The following NKAIN2 variants were observed in gnomAD, a reference collection of about 807,000 sequenced individuals.
NKAIN2 encodes the protein sodium/potassium transporting ATPase interacting 2, also known as sodium/potassium-transporting ATPase subunit beta-1-interacting protein 2.
A neutral mutation model predicts 32.6 loss-of-function variants in NKAIN2; 14 were observed. That is an observed-to-expected ratio of 0.43 (90% CI 0.28 to 0.67). The LOEUF (loss-of-function observed/expected upper bound fraction) is 0.67, where lower values mean the gene tolerates loss of function less well. NKAIN2 is among the 30% of genes least tolerant of loss of function. NKAIN2 has a pLI of 0.17. For missense variants in NKAIN2, 198 were observed against 258.3 expected (o/e 0.77, Z 1.60); for synonymous variants, 80 against 87.2 (o/e 0.92, Z 0.46).
At chr6:124,180,079 T>A (rs765397399) in intron 1 of NKAIN2, among the ~76,000 whole-genome samples, 14 of 152,024 alleles carry the variant, frequency 9.2e-5, no homozygotes, top group Non-Finnish European at 1.8e-4. Flanking sequence ...TACAGGTAGA[T>A]AGGTAGGCAT....
At position 124,625,064 on chromosome 6, in the gene NKAIN2, G is replaced by A. The variant is rs138298800; in HGVS notation, c.274-33122G>A. On this transcript the variant is annotated intron_variant, in intron 3 of 6. Transcript: ENST00000368417. ...TTCATATATCTAAAATACTAAGTAGGAAGAACAAGTCATTTTCTTGAACAT... is the reference window on the plus strand; with the variant it reads ...TTCATATATCTAAAATACTAAGTAGAAAGAACAAGTCATTTTCTTGAACAT... Among the ~76,000 whole-genome samples, 235 of 152,122 alleles carry A rather than the reference G, an allele frequency of 1.5e-3. 2 individuals are homozygous for A. The highest frequency in any genetic ancestry group is 5.2e-3 in the African/African-American group (217 of 41,508).
At chr6:123,881,103 C>CCTGG (rs1773432849) in intron 1 of NKAIN2, among the ~76,000 whole-genome samples, 1 of 152,096 alleles carries the variant, frequency 6.6e-6, no homozygotes, top group Non-Finnish European at 1.5e-5. Flanking sequence ...CTAACTGCAA[C>CCTGG]CGCCACCTCC....
intron 3 of NKAIN2, among the ~76,000 whole-genome samples, chr6:124,402,457 G>T (rs1773664527): frequency 6.6e-6 from 1 of 152,134 alleles, no homozygotes; most frequent in Admixed American, 6.6e-5. Context: ...CTTTCCATAC[G>T]ATTTAACTGT....
At chr6:124,291,865 T>C (rs1001626004) in intron 2 of NKAIN2, among the ~76,000 whole-genome samples, 1 of 152,090 alleles carries the variant, frequency 6.6e-6, no homozygotes, top group African/African-American at 2.4e-5. Flanking sequence ...TCTGTGAGTC[T>C]CATGAGCTTA....
chr6:124,310,491 A>G (rs763757307), intron 2 of NKAIN2, among the ~76,000 whole-genome samples: 11 of 152,004 alleles, frequency 7.2e-5, no homozygotes, highest in Non-Finnish European at 1.5e-4. Flanking sequence ...TTTTTTATGT[A>G]TCTACAGCTC....
intron 1 of NKAIN2, among the ~76,000 whole-genome samples, chr6:124,128,348 G>A (rs1040744514): frequency 6.6e-6 from 1 of 152,186 alleles, no homozygotes; most frequent in Non-Finnish European, 1.5e-5. Flanking sequence ...ACTGAGAAGC[G>A]AAGCATTTCA....
intron 1 of NKAIN2, among the ~76,000 whole-genome samples, chr6:123,861,369 A>G (rs1775780704): frequency 6.6e-6 from 1 of 152,222 alleles, no homozygotes. Context: ...TCCAAAATTA[A>G]TTCAGTCTAT....
chr6:123,871,637 T>A (rs1772889270), intron 1 of NKAIN2, among the ~76,000 whole-genome samples: 1 of 152,228 alleles, frequency 6.6e-6, no homozygotes, highest in Non-Finnish European at 1.5e-5. Flanking sequence ...TTTTCACATC[T>A]GAATGTCTGT....
At chr6:124,234,730 T>A (rs767477088) in intron 1 of NKAIN2, among the ~76,000 whole-genome samples, 21 of 152,170 alleles carry the variant, frequency 1.4e-4, no homozygotes, top group Admixed American at 2.6e-4. Flanking sequence ...GATCTGGCCA[T>A]GTAGGATTTA....
At chr6:124,375,806 C>T (rs1322589) in intron 3 of NKAIN2, among the ~76,000 whole-genome samples, 27,106 of 151,904 alleles carry the variant, frequency 0.18, 3,565 homozygotes, top group African/African-American at 0.38. Flanking sequence ...TGAAGAAACA[C>T]AGAAATTATT....
intron 3 of NKAIN2, among the ~76,000 whole-genome samples, chr6:124,507,978 C>A (rs1778554200): frequency 6.6e-6 from 1 of 151,946 alleles, no homozygotes. Flanking sequence ...TTAGGCCAGG[C>A]ACAATAGCTT....
chr6:124,378,160 A>C (rs539652924), intron 3 of NKAIN2, among the ~76,000 whole-genome samples: 2 of 152,104 alleles, frequency 1.3e-5, no homozygotes, highest in South Asian at 4.1e-4. Flanking sequence ...ACCCATTATC[A>C]CTTCAGCCCA....
At chr6:124,608,273 A>G (rs1346291738) in intron 3 of NKAIN2, among the ~76,000 whole-genome samples, 1 of 151,876 alleles carries the variant, frequency 6.6e-6, no homozygotes. Context: ...AATACTTTTT[A>G]CTCATGGTGA....
chr6:124,076,073 A>G (rs1222727090), intron 1 of NKAIN2, among the ~76,000 whole-genome samples: 1 of 152,240 alleles, frequency 6.6e-6, no homozygotes, highest in Non-Finnish European at 1.5e-5. Context: ...ATGAAGTTGC[A>G]GGTGACTGGT....
chr6:124,236,089 T>A (rs1005092344), intron 1 of NKAIN2, among the ~76,000 whole-genome samples: 3 of 152,074 alleles, frequency 2.0e-5, no homozygotes, highest in Non-Finnish European at 4.4e-5. Context: ...TAACATCTAG[T>A]AAAGACTATA....
intron 1 of NKAIN2, among the ~76,000 whole-genome samples, chr6:124,071,178 C>T (rs1295920900): frequency 6.6e-6 from 1 of 152,114 alleles, no homozygotes; most frequent in Admixed American, 6.6e-5. Flanking sequence ...GGCCTCTGAT[C>T]TTTGAGAAAG....
intron 1 of NKAIN2, among the ~76,000 whole-genome samples, chr6:123,977,573 C>A (rs9320967): frequency 0.41 from 61,863 of 151,836 alleles, 14,985 homozygotes; most frequent in African/African-American, 0.69. Flanking sequence ...CATTTAGGAA[C>A]AAATATGCTA....
At chr6:124,539,859 T>C (rs565114450) in intron 3 of NKAIN2, among the ~76,000 whole-genome samples, 1 of 152,142 alleles carries the variant, frequency 6.6e-6, no homozygotes, top group Non-Finnish European at 1.5e-5. Context: ...TAGCTGGGAC[T>C]ACAAGTGTAT....
intron 1 of NKAIN2, among the ~76,000 whole-genome samples, chr6:124,237,336 G>T (rs1792827084): frequency 6.6e-6 from 1 of 152,158 alleles, no homozygotes; most frequent in Non-Finnish European, 1.5e-5. Flanking sequence ...GCCAGTAATG[G>T]CTCTAGGGAT....
Sources: allele counts gnomAD v4.1 joint callset (sites outside exome capture counted in the v4.1 genomes callset), GRCh38; gene constraint gnomAD v4.1.1; transcripts MANE v1.5; gene names NCBI Gene and HGNC (gene_info 2026-07-23, HGNC 2026-07-21).